Variants in NRG3 observed in about 807,000 individuals in gnomAD.
The protein encoded by NRG3 is neuregulin 3, also known as pro-neuregulin-3, membrane-bound isoform.
In NRG3, 31 loss-of-function variants were observed where a neutral mutation model predicts 66.9. That is an observed-to-expected ratio of 0.46 (90% CI 0.35 to 0.63). NRG3 has a LOEUF of 0.63. Among genes scored for constraint, NRG3 ranks in the 20% least tolerant of loss-of-function variants. The pLI is 0.00. For missense variants in NRG3, 910 were observed against 878.9 expected (o/e 1.04, Z -0.45); for synonymous variants, 393 against 359.4 (o/e 1.09, Z -1.06).
chr10:82,292,584 A>G (rs537167467), intron 1 of NRG3, among the ~76,000 whole-genome samples: 34 of 152,210 alleles, frequency 2.2e-4, no homozygotes, highest in Non-Finnish European at 4.3e-4. Context: ...AAAACAACCT[A>G]GTTGTTCTCT....
At chr10:82,124,691 C>G (rs1200802778) in intron 1 of NRG3, among the ~76,000 whole-genome samples, 3 of 149,872 alleles carry the variant, frequency 2.0e-5, no homozygotes, top group Non-Finnish European at 4.4e-5. Flanking sequence ...AAGTAACAAA[C>G]CTGCATGTTC....
At chr10:82,349,989 G>C (rs993841938) in intron 1 of NRG3, among the ~76,000 whole-genome samples, 1 of 152,060 alleles carries the variant, frequency 6.6e-6, no homozygotes, top group Non-Finnish European at 1.5e-5. Flanking sequence ...AGATGAACCC[G>C]GTACCTCAGA....
chr10:82,904,291 C>T (rs1844511656), intron 4 of NRG3, among the ~76,000 whole-genome samples: 2 of 151,988 alleles, frequency 1.3e-5, no homozygotes, highest in South Asian at 4.1e-4. Context: ...TCAAATGTGG[C>T]CCAGGGAAGC....
intron 1 of NRG3, among the ~76,000 whole-genome samples, chr10:82,111,708 T>A (rs1353679328): frequency 6.6e-6 from 1 of 152,174 alleles, no homozygotes; most frequent in Non-Finnish European, 1.5e-5. Context: ...AGGGTCTCTA[T>A]TAAATTCTTT....
At chr10:81,940,186 A>G (rs1287027560) in intron 1 of NRG3, among the ~76,000 whole-genome samples, 2 of 152,118 alleles carry the variant, frequency 1.3e-5, no homozygotes, top group East Asian at 3.9e-4. Flanking sequence ...GTGCTATAGG[A>G]TATGATTTAT....
At chr10:82,213,827 GT>G (rs1376032927) in intron 1 of NRG3, among the ~76,000 whole-genome samples, 3 of 152,116 alleles carry the variant, frequency 2.0e-5, no homozygotes, top group African/African-American at 4.8e-5. Flanking sequence ...TTCAAAGCAA[GT>G]TTTTTTGTTT....
intron 2 of NRG3, among the ~76,000 whole-genome samples, chr10:82,509,210 A>G (rs1844949147): frequency 1.3e-5 from 2 of 152,262 alleles, no homozygotes; most frequent in Non-Finnish European, 1.5e-5. Context: ...TCTGCAATCA[A>G]TGACAACAGA....
intron 1 of NRG3, among the ~76,000 whole-genome samples, chr10:82,071,440 A>G (rs2064801775): frequency 6.6e-6 from 1 of 152,128 alleles, no homozygotes; most frequent in African/African-American, 2.4e-5. Context: ...GATATGAGGA[A>G]CAGAAACCTG....
At chr10:82,630,070 C>T (rs2049708847) in intron 2 of NRG3, among the ~76,000 whole-genome samples, 1 of 152,078 alleles carries the variant, frequency 6.6e-6, no homozygotes, top group Non-Finnish European at 1.5e-5. Context: ...TGGGAGCTGC[C>T]AGCAACTAAA....
At chr10:81,906,536 G>A (rs1844620972) in intron 1 of NRG3, among the ~76,000 whole-genome samples, 1 of 152,146 alleles carries the variant, frequency 6.6e-6, no homozygotes, top group Admixed American at 6.5e-5. Context: ...CCATGCCATG[G>A]GAGTATGTTT....
At chr10:82,750,271 C>A (rs1254602131) in intron 3 of NRG3, among the ~76,000 whole-genome samples, 1 of 152,132 alleles carries the variant, frequency 6.6e-6, no homozygotes, top group African/African-American at 2.4e-5. Context: ...TATGATAGAG[C>A]AATTTCACCA....
intron 1 of NRG3, among the ~76,000 whole-genome samples, chr10:82,221,979 T>C (rs1366180228): frequency 6.6e-6 from 1 of 151,856 alleles, no homozygotes. Context: ...TACTACACCC[T>C]GCTTTCTTCT....
At chr10:82,402,416 T>C (rs2087169517) in intron 2 of NRG3, among the ~76,000 whole-genome samples, 1 of 152,130 alleles carries the variant, frequency 6.6e-6, no homozygotes, top group Non-Finnish European at 1.5e-5. Flanking sequence ...CTTTTCTCCT[T>C]TTCTAACCAA....
intron 4 of NRG3, among the ~76,000 whole-genome samples, chr10:82,922,090 C>G (rs1846477132): frequency 6.6e-6 from 1 of 151,876 alleles, no homozygotes; most frequent in African/African-American, 2.4e-5. Context: ...GTCTTCTCCA[C>G]CCCCACCACC....
intron 2 of NRG3, among the ~76,000 whole-genome samples, chr10:82,421,367 G>A (rs530076312): frequency 2.0e-4 from 31 of 152,078 alleles, no homozygotes; most frequent in Non-Finnish European, 2.9e-4. Flanking sequence ...GCTATGTTGG[G>A]ATAAGTTAAC....
chr10:82,084,103 C>T (rs1221803431), intron 1 of NRG3, among the ~76,000 whole-genome samples: 2 of 151,880 alleles, frequency 1.3e-5, no homozygotes, highest in Non-Finnish European at 2.9e-5. Context: ...TGGCGTGTGC[C>T]TGTAGTCCCA....
At chr10:81,969,578 A>G (rs550862954) in intron 1 of NRG3, among the ~76,000 whole-genome samples, 2 of 152,342 alleles carry the variant, frequency 1.3e-5, no homozygotes, top group South Asian at 4.1e-4. Flanking sequence ...GTGACCAGAA[A>G]AAATTATAAG....
intron 1 of NRG3, among the ~76,000 whole-genome samples, chr10:82,214,341 C>T (rs1173641799): frequency 6.6e-6 from 1 of 152,146 alleles, no homozygotes; most frequent in African/African-American, 2.4e-5. Context: ...TACTGCTTCT[C>T]TATCCTGTTC....
intron 1 of NRG3, among the ~76,000 whole-genome samples, chr10:81,960,553 G>A (rs879900583): frequency 1.3e-5 from 2 of 151,808 alleles, no homozygotes; most frequent in African/African-American, 4.8e-5. Context: ...TCATATAGCA[G>A]CATAGTAGCA....
Sources: gnomAD v4.1 joint callset for allele counts (sites outside exome capture counted in the v4.1 genomes callset) on GRCh38, gnomAD v4.1.1 for gene constraint, MANE v1.5 for transcripts, NCBI Gene and HGNC (gene_info 2026-07-23, HGNC 2026-07-21) for gene names.